SLC24A2: variants seen among roughly 807,000 people sequenced by gnomAD.
SLC24A2 encodes sodium/potassium/calcium exchanger 2.
Under a neutral mutation model 62.0 loss-of-function variants are expected in SLC24A2, and 36 were observed. That is an observed-to-expected ratio of 0.58 (90% CI 0.44 to 0.77). The LOEUF (loss-of-function observed/expected upper bound fraction) is 0.77. Among genes scored for constraint, SLC24A2 ranks in the 30% least tolerant of loss-of-function variants. SLC24A2 has a pLI of 0.00. For synonymous variants in SLC24A2, 358 were observed against 294.0 expected (o/e 1.22, Z -2.23); for missense variants, 846 against 817.9 (o/e 1.03, Z -0.42).
chr9:19,874,207 G>A, the SLC24A2 span, among the ~76,000 whole-genome samples: 1 of 151,454 alleles, frequency 6.6e-6, no homozygotes, highest in South Asian at 2.1e-4. Context: ...AGCCTCCTGA[G>A]TAGCTGGGAT....
the SLC24A2 span, among the ~76,000 whole-genome samples, chr9:20,081,829 T>C: frequency 4.6e-5 from 7 of 152,156 alleles, no homozygotes; most frequent in African/African-American, 1.7e-4. Flanking sequence ...AAGAGAAATT[T>C]CTATGCCTGA....
At chr9:20,277,903 A>G in the SLC24A2 span, among the ~76,000 whole-genome samples, 103,349 of 152,114 alleles carry the variant, frequency 0.68, 37,440 homozygotes, top group East Asian at 0.96. Flanking sequence ...ATACTATGCA[A>G]TCATAAAAAA....
chr9:19,688,056 T>G (rs1312447708), intron 2 of SLC24A2, among the ~76,000 whole-genome samples: 5 of 152,142 alleles, frequency 3.3e-5, no homozygotes, highest in Admixed American at 2.6e-4. Context: ...CTGTGAAGGC[T>G]CCTCTCAGTG....
At chr9:19,930,802 G>A in the SLC24A2 span, among the ~76,000 whole-genome samples, 880 of 152,304 alleles carry the variant, frequency 5.8e-3, 10 homozygotes, top group African/African-American at 0.02. Context: ...GAGACTTGCT[G>A]TAATTGTCCA....
the SLC24A2 span, among the ~76,000 whole-genome samples, chr9:20,160,532 G>C: frequency 6.6e-6 from 1 of 151,242 alleles, no homozygotes; most frequent in African/African-American, 2.4e-5. Flanking sequence ...TGATATGGTA[G>C]TTTATAAAGT....
chr9:19,963,625 C>T, the SLC24A2 span, among the ~76,000 whole-genome samples: 14 of 152,288 alleles, frequency 9.2e-5, no homozygotes, highest in South Asian at 2.5e-3. Context: ...AAAATGCTCA[C>T]CATCACTGGC....
chr9:19,947,348 GGAAGGAAGGAAGGAAGGAAA>G, the SLC24A2 span, among the ~76,000 whole-genome samples: 1 of 148,334 alleles, frequency 6.7e-6, no homozygotes, highest in Non-Finnish European at 1.5e-5. Context: ...TGTGGCTGCC[GGAAGGAAGGAAGGAAGGAAA>G]GAAGGAAGGA....
chr9:19,588,632 C>A (rs1836446979), intron 5 of SLC24A2, among the ~76,000 whole-genome samples: 1 of 152,072 alleles, frequency 6.6e-6, no homozygotes, highest in South Asian at 2.1e-4. Context: ...TGTAATGAAG[C>A]CAATCTGAGT....
At chr9:19,637,610 A>C (rs1196314679) in intron 2 of SLC24A2, among the ~76,000 whole-genome samples, 1 of 152,236 alleles carries the variant, frequency 6.6e-6, no homozygotes, top group Non-Finnish European at 1.5e-5. Context: ...AAATAAAGGC[A>C]TGGAGAAGTA....
the SLC24A2 span, among the ~76,000 whole-genome samples, chr9:19,794,787 C>G: frequency 4.9e-4 from 75 of 152,076 alleles, no homozygotes; most frequent in African/African-American, 1.7e-3. Flanking sequence ...ATAAATAATA[C>G]TGGTAAAGGA....
the SLC24A2 span, among the ~76,000 whole-genome samples, chr9:20,139,020 C>T: frequency 1.3e-5 from 2 of 152,358 alleles, no homozygotes; most frequent in African/African-American, 4.8e-5. Context: ...TCATGGTCAC[C>T]CTCCACTTTC....
intron 2 of SLC24A2, among the ~76,000 whole-genome samples, chr9:19,642,490 T>C (rs1351288472): frequency 6.6e-6 from 1 of 151,996 alleles, no homozygotes; most frequent in Non-Finnish European, 1.5e-5. Context: ...AATCACAGGG[T>C]CAATTTTCCA....
chr9:19,547,166 G>T (rs997062857), intron 8 of SLC24A2, among the ~76,000 whole-genome samples: 64 of 152,180 alleles, frequency 4.2e-4, no homozygotes, highest in African/African-American at 1.5e-3. Context: ...ATTTGTGAAG[G>T]AAGTTGAAAA....
At chr9:20,275,341 C>T in the SLC24A2 span, among the ~76,000 whole-genome samples, 1 of 152,064 alleles carries the variant, frequency 6.6e-6, no homozygotes, top group Admixed American at 6.5e-5. Flanking sequence ...ATCACACACT[C>T]CTTCTGCTCA....
chr9:20,192,438 G>A, the SLC24A2 span, among the ~76,000 whole-genome samples: 22 of 152,148 alleles, frequency 1.4e-4, no homozygotes, highest in East Asian at 2.1e-3. Context: ...TGGGGAGAGA[G>A]GTGACTACAG....
At chr9:19,625,620 G>C (rs899746065) in intron 2 of SLC24A2, among the ~76,000 whole-genome samples, 1 of 151,964 alleles carries the variant, frequency 6.6e-6, no homozygotes, top group Admixed American at 6.6e-5. Flanking sequence ...CACTTAAATT[G>C]AGCAACTGGA....
the SLC24A2 span, among the ~76,000 whole-genome samples, chr9:20,159,410 C>T: frequency 6.6e-6 from 1 of 151,380 alleles, no homozygotes; most frequent in Middle Eastern, 3.4e-3. Flanking sequence ...ATTTTTTTAC[C>T]CTTGGCCCCA....
chr9:19,558,052 C>T (rs1245410101), intron 7 of SLC24A2, among the ~76,000 whole-genome samples: 2 of 152,148 alleles, frequency 1.3e-5, no homozygotes, highest in Non-Finnish European at 1.5e-5. Context: ...ATCCTCCTGC[C>T]TTGGCCTCCC....
intron 2 of SLC24A2, among the ~76,000 whole-genome samples, chr9:19,755,884 G>C (rs1587274600): frequency 6.6e-6 from 1 of 151,196 alleles, no homozygotes; most frequent in Non-Finnish European, 1.5e-5. Context: ...TTTCCATTTG[G>C]TTTTAGCGAT....
Sources: allele counts gnomAD v4.1 joint callset (sites outside exome capture counted in the v4.1 genomes callset), GRCh38; gene constraint gnomAD v4.1.1; transcripts MANE v1.5; gene names NCBI Gene and HGNC (gene_info 2026-07-23, HGNC 2026-07-21).